The following FHIT variants were observed in gnomAD, a reference collection of about 807,000 sequenced individuals.
The protein encoded by FHIT is fragile histidine triad diadenosine triphosphatase.
FHIT carries 19 observed loss-of-function variants against 17.9 expected under a neutral mutation model. The observed-to-expected ratio is 1.06, with a 90% CI of 0.74 to 1.56. The LOEUF is 1.56. FHIT is among the 40% of genes most tolerant of loss of function. FHIT has a pLI of 0.00. For synonymous variants in FHIT, 81 were observed against 69.7 expected (o/e 1.16, Z -0.81); for missense variants, 248 against 189.2 (o/e 1.31, Z -1.82).
At chr3:60,536,296 G>A (rs1301022613) in intron 5 of FHIT, 1 of 152,010 alleles carries the variant, frequency 6.6e-6, no homozygotes, top group Non-Finnish European at 1.5e-5. Context: ...TCTGCAAGCT[G>A]GTATTTTTCC....
intron 8 of FHIT, among the ~76,000 whole-genome samples, chr3:59,820,288 A>G (rs1700742087): frequency 6.6e-6 from 1 of 152,226 alleles, no homozygotes; most frequent in African/African-American, 2.4e-5. Flanking sequence ...TCTTCGGCAA[A>G]TGATCATCCT....
chr3:59,861,672 T>G (rs1702411796), intron 8 of FHIT, among the ~76,000 whole-genome samples: 1 of 152,202 alleles, frequency 6.6e-6, no homozygotes, highest in Non-Finnish European at 1.5e-5. Context: ...GATACTCTAC[T>G]GAAAATCACA....
At chr3:59,768,757 T>A (rs1701927054) in intron 8 of FHIT, among the ~76,000 whole-genome samples, 1 of 152,244 alleles carries the variant, frequency 6.6e-6, no homozygotes, top group Non-Finnish European at 1.5e-5. Flanking sequence ...GATGACATAG[T>A]TGTACCCATC....
At chr3:61,043,652 G>C (rs774066322) in intron 2 of FHIT, among the ~76,000 whole-genome samples, 8 of 152,206 alleles carry the variant, frequency 5.3e-5, no homozygotes, top group Non-Finnish European at 1.2e-4. Flanking sequence ...CATGGAGTTT[G>C]ACATCTGAGA....
chr3:61,189,763 C>T (rs2038652832), intron 2 of FHIT, among the ~76,000 whole-genome samples: 1 of 151,872 alleles, frequency 6.6e-6, no homozygotes, highest in African/African-American at 2.4e-5. Flanking sequence ...AGAACAGAGC[C>T]CTCAGAAATA....
chr3:60,275,100 T>G (rs979025125), intron 5 of FHIT, among the ~76,000 whole-genome samples: 6 of 152,156 alleles, frequency 3.9e-5, no homozygotes, highest in African/African-American at 7.2e-5. Flanking sequence ...TTCAAGTTCA[T>G]TTATTTGTGA....
chr3:60,948,103 A>T (rs1708716024), intron 3 of FHIT, among the ~76,000 whole-genome samples: 1 of 152,174 alleles, frequency 6.6e-6, no homozygotes, highest in Non-Finnish European at 1.5e-5. Context: ...ATTTCTCTGC[A>T]TCCTTGAGGC....
intron 5 of FHIT, among the ~76,000 whole-genome samples, chr3:60,385,017 G>A (rs79288549): frequency 0.012 from 1,876 of 152,142 alleles, 42 homozygotes; most frequent in African/African-American, 0.043. Flanking sequence ...ATTATGGCAA[G>A]GAAAAATGAA....
chr3:60,510,522 G>C (rs1033223699), intron 5 of FHIT, among the ~76,000 whole-genome samples: 4 of 152,116 alleles, frequency 2.6e-5, no homozygotes, highest in African/African-American at 9.7e-5. Flanking sequence ...TGTGAAGCTA[G>C]TCAAATATGT....
At chr3:60,340,883 G>T (rs1449812555) in intron 5 of FHIT, among the ~76,000 whole-genome samples, 1 of 152,024 alleles carries the variant, frequency 6.6e-6, no homozygotes, top group Non-Finnish European at 1.5e-5. Context: ...GTAGAGATGG[G>T]GTTTCACTAT....
intron 5 of FHIT, among the ~76,000 whole-genome samples, chr3:60,108,769 T>C (rs150887969): frequency 0.023 from 3,528 of 152,048 alleles, 76 homozygotes; most frequent in Non-Finnish European, 0.036. Context: ...GTTCAAGTGA[T>C]TCTCCTACCT....
chr3:61,084,107 T>TGTGA (rs1381580528), intron 2 of FHIT, among the ~76,000 whole-genome samples: 1 of 152,232 alleles, frequency 6.6e-6, no homozygotes, highest in East Asian at 1.9e-4. Context: ...CTGTTTATGA[T>TGTGA]GTGAGGTTCA....
intron 7 of FHIT, among the ~76,000 whole-genome samples, chr3:59,999,319 G>C (rs1699637584): frequency 6.6e-6 from 1 of 152,090 alleles, no homozygotes; most frequent in Non-Finnish European, 1.5e-5. Context: ...GGCCCATTTT[G>C]TGCAGCACCA....
intron 4 of FHIT, among the ~76,000 whole-genome samples, chr3:60,676,349 A>C (rs2040620496): frequency 6.6e-6 from 1 of 152,242 alleles, no homozygotes; most frequent in Non-Finnish European, 1.5e-5. Context: ...CCAGAGCAAG[A>C]AAACAAAGGC....
chr3:60,205,323 C>A (rs1320420324), intron 5 of FHIT, among the ~76,000 whole-genome samples: 1 of 152,036 alleles, frequency 6.6e-6, no homozygotes, highest in African/African-American at 2.4e-5. Flanking sequence ...AAAAATCTCT[C>A]CAGATATGTA....
intron 5 of FHIT, among the ~76,000 whole-genome samples, chr3:60,519,499 G>A (rs145845605): frequency 3.3e-5 from 5 of 152,210 alleles, no homozygotes; most frequent in African/African-American, 1.2e-4. Flanking sequence ...GTAGACTATT[G>A]TTGACTGGAA....
intron 4 of FHIT, among the ~76,000 whole-genome samples, chr3:60,557,290 T>A (rs1323021390): frequency 6.6e-6 from 1 of 152,092 alleles, no homozygotes; most frequent in Non-Finnish European, 1.5e-5. Flanking sequence ...CCTCCAACAG[T>A]GCTAAGAAAG....
rs112990489 is a variant in FHIT, at chr3:60,961,923, C to G, written c.-111+80124G>C. 3.7e-3 allele frequency among the ~76,000 whole-genome samples: 569 copies of G among 152,192 alleles called. 4 individuals carry two copies. The highest frequency in any genetic ancestry group is 0.012 in the African/African-American group (487 of 41,538). Reference sequence around the variant, plus strand: ...ACTTGGCAATGTGGGCTCTTTTTTGCTTCCATGTGAACTTTAAGGTAGTTT... The same window carrying G: ...ACTTGGCAATGTGGGCTCTTTTTTGGTTCCATGTGAACTTTAAGGTAGTTT... On this transcript the variant is annotated intron_variant, in intron 3 of 9. Coordinates refer to ENST00000492590, the MANE Select transcript of FHIT (RefSeq NM_002012.4).
At chr3:59,953,499 G>C (rs979989664) in intron 7 of FHIT, among the ~76,000 whole-genome samples, 1 of 152,094 alleles carries the variant, frequency 6.6e-6, no homozygotes, top group Non-Finnish European at 1.5e-5. Context: ...GCATTGCCAC[G>C]CAGACGCCTA....
Sources: gnomAD v4.1 joint callset for allele counts (sites outside exome capture counted in the v4.1 genomes callset) on GRCh38, gnomAD v4.1.1 for gene constraint, MANE v1.5 for transcripts, NCBI Gene and HGNC (gene_info 2026-07-23, HGNC 2026-07-21) for gene names.